Variants in MATR3 observed in about 807,000 individuals in gnomAD.
MATR3 encodes matrin-3.
Under a neutral mutation model 85.5 loss-of-function variants are expected in MATR3, and 4 were observed. The observed-to-expected ratio is 0.05, with a 90% CI of 0.02 to 0.11. MATR3 has a LOEUF of 0.11. Among genes scored for constraint, MATR3 ranks in the 10% least tolerant of loss-of-function variants. The pLI is 1.00. For synonymous variants in MATR3, 336 were observed against 343.1 expected (o/e 0.98, Z 0.23); for missense variants, 685 against 1,016.1 (o/e 0.67, Z 4.43).
chr5:139,298,345 C>T (rs1754268003), intron 1 of MATR3, among the ~76,000 whole-genome samples: 1 of 152,098 alleles, frequency 6.6e-6, no homozygotes, highest in African/African-American at 2.4e-5. Context: ...CTGAGGTGGG[C>T]AGATCACTTC....
At chr5:139,276,434 C>A in intron 2 of MATR3, 4 of 317,334 alleles carry the variant, frequency 1.3e-5, no homozygotes, top group Admixed American at 4.0e-5. Context: ...TAACTGATAG[C>A]TAAATTTAAA....
chr5:139,317,267 T>C (rs1755299343), intron 6 of MATR3, among the ~76,000 whole-genome samples, 162 bp downstream of exon 6: 2 of 152,256 alleles, frequency 1.3e-5, no homozygotes, highest in African/African-American at 2.4e-5. Flanking sequence ...GTTAAAACTT[T>C]AAATTTTGTA....
intron 1 of MATR3, among the ~76,000 whole-genome samples, chr5:139,300,675 T>C (rs540085885): frequency 5.3e-5 from 8 of 152,360 alleles, no homozygotes; most frequent in Non-Finnish European, 1.0e-4. Context: ...TTAAGTCTTT[T>C]TGAGTCAGAG....
At chr5:139,295,265 G>T (rs142970670) in intron 1 of MATR3, among the ~76,000 whole-genome samples, 277 of 152,156 alleles carry the variant, frequency 1.8e-3, no homozygotes, top group African/African-American at 6.4e-3. Flanking sequence ...TGACATTTTC[G>T]TTGCAAAAAC....
intron 1 of MATR3, among the ~76,000 whole-genome samples, chr5:139,299,054 A>G (rs535330063): frequency 1.3e-5 from 2 of 152,342 alleles, no homozygotes; most frequent in South Asian, 2.1e-4. Flanking sequence ...TTAAGTAGTC[A>G]AACTTAAACA....
intron 3 of MATR3, among the ~76,000 whole-genome samples, chr5:139,281,032 A>G (rs1159647901): frequency 6.6e-6 from 1 of 151,522 alleles, no homozygotes; most frequent in Non-Finnish European, 1.5e-5. Flanking sequence ...CTTTTTTGAT[A>G]GAGGGTCTCA....
chr5:139,281,373 T>TTTG (rs1753518722), intron 3 of MATR3, among the ~76,000 whole-genome samples: 1 of 147,886 alleles, frequency 6.8e-6, no homozygotes, highest in African/African-American at 2.5e-5. Flanking sequence ...TTTTTTTTTT[T>TTTG]GCTCTGTTGC....
rs1756106565 is a variant in MATR3 at position 139,330,829 on chromosome 5, A to T, written c.*1434A>T. On this transcript the variant is annotated 3_prime_UTR_variant, in exon 15 of 15. Coordinates refer to ENST00000394805, the MANE Select transcript of MATR3 (RefSeq NM_018834.6). The stretch of plus-strand genomic sequence containing the variant: ...TTTTTCTTCCCTGACACAGGGTCTC[A>T]CTCTGTCACCCAGACTGGAGTGCAG... The T allele has an allele frequency of 2.2e-6, 1 of 453,992 alleles. No homozygotes were observed. The highest frequency in any genetic ancestry group is 4.4e-6 in the Non-Finnish European group (1 of 226,748). The allele number at this position is 453,992 out of a possible 1,614,324, so 28.1% of individuals were successfully genotyped here.
upstream of MATR3, among the ~76,000 whole-genome samples, chr5:139,291,128 AACAAC>A (rs1323454351): frequency 1.3e-5 from 2 of 152,122 alleles, no homozygotes; most frequent in African/African-American, 4.8e-5. Flanking sequence ...TCCAAAAATA[AACAAC>A]ACACCAAAAA....
At chr5:139,287,772 C>T (rs1182663331) in intron 3 of MATR3, among the ~76,000 whole-genome samples, 3 of 152,194 alleles carry the variant, frequency 2.0e-5, no homozygotes, top group Non-Finnish European at 4.4e-5. Context: ...GCTTTTTACC[C>T]ATGCCTGCTC....
chr5:139,321,505 G>T (rs538194001), intron 9 of MATR3, among the ~76,000 whole-genome samples: 1 of 152,072 alleles, frequency 6.6e-6, no homozygotes, highest in African/African-American at 2.4e-5. Flanking sequence ...ATTTTTAGCC[G>T]GGTGTGGTTG....
At chr5:139,318,380 C>T (rs1236046535) in intron 7 of MATR3, among the ~76,000 whole-genome samples, 3 of 151,948 alleles carry the variant, frequency 2.0e-5, no homozygotes, top group Non-Finnish European at 2.9e-5. Context: ...GTGATCCACC[C>T]GCCTTGGCCT....
At chr5:139,278,157 A>G (rs1448833803) in intron 2 of MATR3, among the ~76,000 whole-genome samples, 1 of 152,106 alleles carries the variant, frequency 6.6e-6, no homozygotes, top group Non-Finnish European at 1.5e-5. Flanking sequence ...CACTTGACCC[A>G]GGAGATTGAG....
intron 3 of MATR3, chr5:139,314,973 A>T: frequency 4.5e-6 from 2 of 444,302 alleles, no homozygotes; most frequent in Non-Finnish European, 4.2e-6. Context: ...TATATTGGTC[A>T]TTATACAAAT....
chr5:139,328,178 TA>T (rs973702803), intron 14 of MATR3, among the ~76,000 whole-genome samples: 446 of 138,602 alleles, frequency 3.2e-3, no homozygotes, highest in Middle Eastern at 3.6e-3. Flanking sequence ...TTCCTTTTAT[TA>T]AAAAAAAAAA....
intron 9 of MATR3, among the ~76,000 whole-genome samples, chr5:139,321,591 T>A (rs982269573): frequency 2.0e-5 from 3 of 152,160 alleles, no homozygotes; most frequent in Admixed American, 6.5e-5. Context: ...GAGACCAGTC[T>A]AGGCAACATG....
At chr5:139,325,695 C>A (rs781735748) in intron 13 of MATR3, 33 bp downstream of exon 13, 2 of 1,559,076 alleles carry the variant, frequency 1.3e-6, no homozygotes, top group Non-Finnish European at 1.8e-6. Flanking sequence ...TCACCTTCCT[C>A]ACTCTCCTCA....
At chr5:139,289,164 G>A (rs192410365), upstream of MATR3, among the ~76,000 whole-genome samples, 1 of 152,354 alleles carries the variant, frequency 6.6e-6, no homozygotes, top group East Asian at 1.9e-4. Flanking sequence ...CCTCAAAGAT[G>A]TGAATCACAT....
At chr5:139,326,361 G>A (rs2152024692) in intron 14 of MATR3, 77 bp downstream of exon 14, 1 of 1,373,492 alleles carries the variant, frequency 7.3e-7, no homozygotes, top group East Asian at 2.3e-5. Flanking sequence ...TAAGTAAAAT[G>A]TGTATAGTGT....
Sources: allele counts gnomAD v4.1 joint callset (sites outside exome capture counted in the v4.1 genomes callset), GRCh38; gene constraint gnomAD v4.1.1; transcripts MANE v1.5; gene names NCBI Gene and HGNC (gene_info 2026-07-23, HGNC 2026-07-21).